ATXN1: variants seen among roughly 807,000 people sequenced by gnomAD.
ATXN1 encodes ataxin 1, also known as ataxin-1.
ATXN1 carries 8 observed loss-of-function variants against 56.4 expected under a neutral mutation model. The ratio of observed to expected loss-of-function variants is 0.14; its 90% CI spans 0.08 to 0.26. The LOEUF (loss-of-function observed/expected upper bound fraction) is 0.26, where lower values mean the gene tolerates loss of function less well. Ranked by LOEUF, ATXN1 falls within the 10% of genes least tolerant of loss-of-function variation. ATXN1 has a pLI of 1.00. For synonymous variants in ATXN1, 514 were observed against 494.6 expected, an observed-to-expected ratio of 1.04 and a Z score of -0.52; for missense variants, 987 against 1,106.5, an observed-to-expected ratio of 0.89 and a Z score of 1.53.
At chr6:16,431,397 A>G (rs560330487) in intron 6 of ATXN1, among the ~76,000 whole-genome samples, 2 of 152,280 alleles carry the variant, frequency 1.3e-5, no homozygotes, top group Non-Finnish European at 2.9e-5. Flanking sequence ...CTGGAATGTT[A>G]TAAGATTGGT....
intron 6 of ATXN1, among the ~76,000 whole-genome samples, chr6:16,373,688 T>C (rs996821198): frequency 6.6e-6 from 1 of 152,200 alleles, no homozygotes; most frequent in Non-Finnish European, 1.5e-5. Context: ...TATAAGAGGT[T>C]TCCCCTTTTG....
intron 4 of ATXN1, among the ~76,000 whole-genome samples, chr6:16,582,399 T>C (rs1762546055): frequency 6.6e-6 from 1 of 152,188 alleles, no homozygotes; most frequent in South Asian, 2.1e-4. Flanking sequence ...TAAAAAGGCC[T>C]TTGCTAAATT....
chr6:16,605,994 G>A (rs1403613658), intron 3 of ATXN1, among the ~76,000 whole-genome samples: 7 of 152,056 alleles, frequency 4.6e-5, no homozygotes, highest in Non-Finnish European at 8.8e-5. Context: ...GCCAGGTGTG[G>A]TGGCACGTAC....
chr6:16,433,666 T>C (rs1759332137), intron 6 of ATXN1, among the ~76,000 whole-genome samples: 1 of 152,228 alleles, frequency 6.6e-6, no homozygotes, highest in South Asian at 2.1e-4. Flanking sequence ...ATCCATTCTG[T>C]TTTAAATTCC....
intron 6 of ATXN1, among the ~76,000 whole-genome samples, chr6:16,474,135 T>G (rs546849139): frequency 6.6e-6 from 1 of 152,378 alleles, no homozygotes; most frequent in Admixed American, 6.5e-5. Context: ...ACTTGCTGTC[T>G]TCCAACATGC....
chr6:16,365,055 CAT>C (rs34627413), intron 6 of ATXN1, among the ~76,000 whole-genome samples: 1 of 150,144 alleles, frequency 6.7e-6, no homozygotes, highest in Non-Finnish European at 1.5e-5. Context: ...TTTCTTTTTT[CAT>C]ATATATATAT....
chr6:16,641,874 A>G (rs750207847), intron 3 of ATXN1, among the ~76,000 whole-genome samples: 4 of 152,236 alleles, frequency 2.6e-5, no homozygotes, highest in Non-Finnish European at 5.9e-5. Flanking sequence ...GAAGAGGTCA[A>G]AATATCAACA....
At chr6:16,400,253 C>G (rs538624391) in intron 6 of ATXN1, among the ~76,000 whole-genome samples, 155 of 152,328 alleles carry the variant, frequency 1.0e-3, no homozygotes, top group Non-Finnish European at 2.0e-3. Context: ...TTGCTTCAGC[C>G]TTTCCTCAGA....
At chr6:16,490,374 C>T (rs1051408636) in intron 5 of ATXN1, among the ~76,000 whole-genome samples, 3 of 152,188 alleles carry the variant, frequency 2.0e-5, no homozygotes, top group African/African-American at 7.2e-5. Context: ...AGAATTTATC[C>T]ATACCCTAAT....
chr6:16,464,817 A>G (rs1436234836), intron 6 of ATXN1, among the ~76,000 whole-genome samples: 2 of 152,090 alleles, frequency 1.3e-5, no homozygotes, highest in Non-Finnish European at 2.9e-5. Context: ...AAGAGTTGTT[A>G]GGACACATGT....
At chr6:16,532,340 G>T (rs1408860459) in intron 4 of ATXN1, among the ~76,000 whole-genome samples, 1 of 152,186 alleles carries the variant, frequency 6.6e-6, no homozygotes, top group Non-Finnish European at 1.5e-5. Flanking sequence ...ATGATAAGCA[G>T]ATATGGGCAA....
intron 2 of ATXN1, among the ~76,000 whole-genome samples, chr6:16,711,074 A>G (rs1398252281): frequency 6.6e-6 from 1 of 152,218 alleles, no homozygotes; most frequent in Non-Finnish European, 1.5e-5. Context: ...TCAAGACAAT[A>G]TAGTATTGAC....
intron 4 of ATXN1, among the ~76,000 whole-genome samples, chr6:16,566,681 G>A (rs236945): frequency 0.016 from 2,441 of 151,926 alleles, 56 homozygotes; most frequent in East Asian, 0.06. Context: ...GTGAAACCCC[G>A]TCTCTACTAA....
chr6:16,308,248 C>T (rs1349560307), intron 7 of ATXN1, among the ~76,000 whole-genome samples: 3 of 151,810 alleles, frequency 2.0e-5, no homozygotes, highest in Admixed American at 6.6e-5. Flanking sequence ...ATCGCTTGAA[C>T]CCGGGAGGCG....
chr6:16,703,044 C>T (rs1271475117), intron 2 of ATXN1, among the ~76,000 whole-genome samples: 9 of 151,912 alleles, frequency 5.9e-5, no homozygotes, highest in East Asian at 1.9e-4. Flanking sequence ...ATGTTTATTG[C>T]GGCACTATTC....
At chr6:16,502,459 C>T (rs745561554) in intron 5 of ATXN1, among the ~76,000 whole-genome samples, 6 of 152,110 alleles carry the variant, frequency 3.9e-5, no homozygotes, top group Non-Finnish European at 7.4e-5. Context: ...TAATGATATC[C>T]TTTATCTTCA....
rs148900352 is a variant in ATXN1 at position 16,395,145 on chromosome 6, C to T, written c.-160-66675G>A. Among the ~76,000 whole-genome samples the T allele has an allele frequency of 4.6e-3, 697 of 151,942 alleles. 6 individuals are homozygous for T. Among genetic ancestry groups the T allele is most frequent in the Non-Finnish European group, 5.5e-3 (372 of 67,948 alleles). ...AATTAGCTGGGCATGGTGGCTCATG[C>T]CTGTAATCACACTACTCAGGAGGCT... On this transcript the variant is annotated intron_variant, in intron 6 of 7. Transcript: ENST00000436367.
intron 6 of ATXN1, among the ~76,000 whole-genome samples, chr6:16,472,774 T>A (rs1760244374): frequency 6.6e-6 from 1 of 152,198 alleles, no homozygotes; most frequent in Non-Finnish European, 1.5e-5. Flanking sequence ...TCCCATTCAG[T>A]TAGCAGTGCT....
At position 16,687,657 on chromosome 6, in the gene ATXN1, T is replaced by TACACACACACACACACACACAC. The variant is rs57034032; in HGVS notation, c.-614-29778_-614-29757dup. ...AAGCAGCCTGGAATCAAAGAAGAAATACACACACACACACACACACACACA... is the reference window on the plus strand; with the variant it reads ...AAGCAGCCTGGAATCAAAGAAGAAATACACACACACACACACACACACACACACACACACACACACACACACA... On this transcript the variant is annotated intron_variant, in intron 2 of 7. Transcript: ENST00000436367. 8.6e-4 allele frequency among the ~76,000 whole-genome samples: 124 copies of TACACACACACACACACACACAC among 143,380 alleles called. 1 individual carries two copies. Among genetic ancestry groups the TACACACACACACACACACACAC allele is most frequent in the African/African-American group, 2.9e-3 (111 of 37,932 alleles). The allele number at this position is 143,380 out of a possible 152,430, so 94.1% of individuals were successfully genotyped here. A position where few individuals can be genotyped will look rare whatever the true frequency, so the allele number is the denominator to read the frequency against.
Sources: allele counts gnomAD v4.1 joint callset (sites outside exome capture counted in the v4.1 genomes callset), GRCh38; gene constraint gnomAD v4.1.1; transcripts MANE v1.5; gene names NCBI Gene and HGNC (gene_info 2026-07-23, HGNC 2026-07-21).